The following SPRY3 variants were observed in gnomAD, a reference collection of about 807,000 sequenced individuals.
SPRY3 encodes the protein sprouty RTK signaling antagonist 3.
A neutral mutation model predicts 20.2 loss-of-function variants in SPRY3; 15 were observed. The observed-to-expected ratio is 0.74, with a 90% confidence interval of 0.50 to 1.14. The LOEUF (loss-of-function observed/expected upper bound fraction) is 1.14, where lower values mean the gene tolerates loss of function less well. SPRY3 is among the 50% of genes most tolerant of loss of function. The probability of loss-of-function intolerance (pLI) is 0.00; values close to 1 mark genes in which losing one functional copy is unlikely to be tolerated. For synonymous variants in SPRY3, 143 were observed against 136.5 expected, an observed-to-expected ratio of 1.05 and a Z score of -0.33; for missense variants, 364 against 363.9, an observed-to-expected ratio of 1.00 and a Z score of 0.00.
chrX:155,652,700 T>A (rs2067981015), intron 1 of SPRY3, among the ~76,000 whole-genome samples: 1 of 112,068 alleles, frequency 8.9e-6, no homozygotes, highest in African/African-American at 3.2e-5. Context: ...GTGAGCATAT[T>A]TTTGGTTGGA....
At chrX:155,685,107 C>T (rs2068083741) in intron 2 of SPRY3, among the ~76,000 whole-genome samples, 1 of 111,904 alleles carries the variant, frequency 8.9e-6, no homozygotes, top group African/African-American at 3.2e-5. Context: ...ATTGGCTCAT[C>T]ATTGTAAATC....
intron 1 of SPRY3, among the ~76,000 whole-genome samples, chrX:155,655,813 C>T (rs1249650367): frequency 8.9e-6 from 1 of 112,098 alleles, no homozygotes; most frequent in African/African-American, 3.2e-5. Flanking sequence ...GTGACAGAAT[C>T]CCTCAGCATT....
intron 2 of SPRY3, among the ~76,000 whole-genome samples, chrX:155,692,199 AGCTC>A (rs2068105057): frequency 9.0e-6 from 1 of 110,929 alleles, no homozygotes; most frequent in African/African-American, 3.3e-5. Context: ...TTTTACATTT[AGCTC>A]CCTGGTTGAT....
intron 1 of SPRY3, among the ~76,000 whole-genome samples, chrX:155,644,546 C>G (rs782178111): frequency 9.0e-5 from 10 of 111,209 alleles, no homozygotes; most frequent in Non-Finnish European, 1.5e-4. Flanking sequence ...ACCCCGCACT[C>G]AACCCATAAG....
At chrX:155,656,759 G>T (rs1226868052) in intron 1 of SPRY3, among the ~76,000 whole-genome samples, 1 of 111,398 alleles carries the variant, frequency 9.0e-6, no homozygotes, top group African/African-American at 3.3e-5. Flanking sequence ...CTTTGAGATT[G>T]ATGACCTTTG....
intron 3 of SPRY3, among the ~76,000 whole-genome samples, chrX:155,769,831 G>C (rs888187495): frequency 6.6e-6 from 1 of 152,128 alleles, no homozygotes; most frequent in South Asian, 2.1e-4. Context: ...AGATGTATGC[G>C]GTAGGAGGGA....
intron 2 of SPRY3, among the ~76,000 whole-genome samples, chrX:155,708,725 T>C (rs183218366): frequency 6.6e-6 from 1 of 151,664 alleles, no homozygotes; most frequent in African/African-American, 2.4e-5. Flanking sequence ...CATCAAGCAT[T>C]TATCCTTTGT....
chrX:155,730,247 A>G (rs1178792097), intron 2 of SPRY3, among the ~76,000 whole-genome samples: 1 of 152,188 alleles, frequency 6.6e-6, no homozygotes, highest in South Asian at 2.1e-4. Context: ...AGAAAACTAC[A>G]GGCCAACATC....
chrX:155,690,663 C>T (rs973605294), intron 2 of SPRY3, among the ~76,000 whole-genome samples: 1 of 87,115 alleles, frequency 1.1e-5, no homozygotes, highest in Non-Finnish European at 2.1e-5. Context: ...TATATATTCA[C>T]CCAATACAGG....
At chrX:155,627,145 C>T (rs1361072905) in intron 1 of SPRY3, among the ~76,000 whole-genome samples, 4 of 111,551 alleles carry the variant, frequency 3.6e-5, no homozygotes, top group Non-Finnish European at 3.8e-5. Flanking sequence ...TTGTTATTAA[C>T]TATAGTCACC....
chrX:155,736,821 C>T (rs1414475826), intron 2 of SPRY3, among the ~76,000 whole-genome samples: 4 of 151,892 alleles, frequency 2.6e-5, no homozygotes, highest in Non-Finnish European at 1.5e-5. Context: ...TCTGGGATTC[C>T]TATTACATGT....
chrX:155,773,003 C>T (rs1476483347), intron 3 of SPRY3, among the ~76,000 whole-genome samples: 3 of 151,884 alleles, frequency 2.0e-5, no homozygotes, highest in African/African-American at 7.3e-5. Flanking sequence ...CCCACGTGTA[C>T]AAAAGTTTGA....
At chrX:155,767,310 T>A (rs1350182052) in intron 2 of SPRY3, among the ~76,000 whole-genome samples, 1 of 151,638 alleles carries the variant, frequency 6.6e-6, no homozygotes, top group Non-Finnish European at 1.5e-5. Flanking sequence ...TCACAAGACC[T>A]CCAGAAATCA....
intron 2 of SPRY3, among the ~76,000 whole-genome samples, chrX:155,710,036 G>A (rs1040213181): frequency 1.3e-5 from 2 of 151,388 alleles, no homozygotes; most frequent in East Asian, 1.9e-4. Flanking sequence ...ATTCTTATGC[G>A]AGTACCATGC....
At chrX:155,713,855 C>G (rs1016644955) in intron 2 of SPRY3, among the ~76,000 whole-genome samples, 1 of 152,006 alleles carries the variant, frequency 6.6e-6, no homozygotes, top group African/African-American at 2.4e-5. Flanking sequence ...GACTATTTTC[C>G]AGATCTGTAG....
chrX:155,644,540 C>T (rs1255700164), intron 1 of SPRY3, among the ~76,000 whole-genome samples: 4 of 111,023 alleles, frequency 3.6e-5, no homozygotes, highest in South Asian at 3.9e-4. Context: ...TGTCTGACCC[C>T]GCACTCAACC....
At chrX:155,713,923 A>G (rs1284950891) in intron 2 of SPRY3, among the ~76,000 whole-genome samples, 1 of 152,058 alleles carries the variant, frequency 6.6e-6, no homozygotes, top group African/African-American at 2.4e-5. Flanking sequence ...GTATTTTCAA[A>G]TAGCCTGTCT....
chrX:155,688,996 T>C lies in SPRY3; in HGVS notation c.-282+31971T>C, dbSNP rs934415094. 1.8e-4 allele frequency among the ~76,000 whole-genome samples: 16 copies of C among 88,267 alleles called. 4 individuals are homozygous for C. The highest frequency in any genetic ancestry group is 1.1e-4 in the Non-Finnish European group (5 of 47,114). The allele number at this position is 88,267 out of a possible 115,157, so 76.6% of individuals were successfully genotyped here. ...CTTGTAAATTTGTTTAAGTTTCTTA[T>C]AGATGCTGGATATTAAACCTTTGTC... On this transcript the variant is annotated intron_variant, in intron 2 of 3. Coordinates refer to ENST00000675360, the Ensembl canonical transcript of SPRY3.
intron 2 of SPRY3, among the ~76,000 whole-genome samples, chrX:155,735,315 A>T (rs1053980588): frequency 6.6e-6 from 1 of 152,032 alleles, no homozygotes; most frequent in African/African-American, 2.4e-5. Context: ...AATTTATAGA[A>T]TTGACATTCT....
Sources: gnomAD v4.1 joint callset for allele counts (sites outside exome capture counted in the v4.1 genomes callset) on GRCh38, gnomAD v4.1.1 for gene constraint, MANE v1.5 for transcripts, NCBI Gene and HGNC (gene_info 2026-07-23, HGNC 2026-07-21) for gene names.